The following MLLT3 variants were observed in gnomAD, a reference collection of about 807,000 sequenced individuals.
MLLT3 encodes protein AF-9.
A neutral mutation model predicts 53.2 loss-of-function variants in MLLT3; 4 were observed. The ratio of observed to expected loss-of-function variants is 0.08; its 90% CI spans 0.04 to 0.17. The LOEUF (loss-of-function observed/expected upper bound fraction) is 0.17, where lower values mean the gene tolerates loss of function less well. Among genes scored for constraint, MLLT3 ranks in the 10% least tolerant of loss-of-function variants. MLLT3 has a pLI of 1.00. For synonymous variants in MLLT3, 283 were observed against 230.6 expected, an observed-to-expected ratio of 1.23 and a Z score of -2.06; for missense variants, 569 against 684.0, an observed-to-expected ratio of 0.83 and a Z score of 1.87.
Position 20,473,028 on chromosome 9 carries a change from G to C in MLLT3, c.194-16242C>G, listed in dbSNP as rs1428365448. Among the ~76,000 whole-genome samples the C allele has an allele frequency of 3.3e-5, 5 of 152,172 alleles. No individual in the cohort carries two copies. The South Asian group carries it at 1.0e-3, about 32-fold the overall frequency. Reference sequence around the variant, plus strand: ...CCTGAAAGACTTTTTAGAAATACCAGTTTTTGGTCTCTACTCTAGATCTCT... The same window carrying C: ...CCTGAAAGACTTTTTAGAAATACCACTTTTTGGTCTCTACTCTAGATCTCT... On this transcript the variant is annotated intron_variant, in intron 2 of 10. Transcript: ENST00000380338.
At chr9:20,558,816 T>G (rs919847518) in intron 2 of MLLT3, among the ~76,000 whole-genome samples, 2 of 152,230 alleles carry the variant, frequency 1.3e-5, no homozygotes, top group African/African-American at 4.8e-5. Context: ...TTGGCATCAT[T>G]TGCATCAGCA....
At chr9:20,474,282 G>A (rs189875574) in intron 2 of MLLT3, among the ~76,000 whole-genome samples, 17 of 152,182 alleles carry the variant, frequency 1.1e-4, no homozygotes, top group African/African-American at 4.1e-4. Context: ...GAGAAGATTT[G>A]AAGTGATGAA....
chr9:20,589,901 G>C (rs1301730820), intron 2 of MLLT3, among the ~76,000 whole-genome samples: 1 of 151,852 alleles, frequency 6.6e-6, no homozygotes, highest in African/African-American at 2.4e-5. Flanking sequence ...AGTAGAGATG[G>C]GGTTTCACCA....
intron 2 of MLLT3, among the ~76,000 whole-genome samples, chr9:20,612,816 A>G (rs572526278): frequency 1.3e-5 from 2 of 152,310 alleles, no homozygotes; most frequent in East Asian, 3.9e-4. Context: ...GATATAGAGG[A>G]AAAATGGTAC....
Position 20,346,458 on chromosome 9 carries a change from T to A in MLLT3, c.1692A>T (p.Thr564=). ...TGTTATATCCTCAGGATGTTCCAGA[T>A]GTTTCCAGGTAACTCTGTAGTTTAC... is the stretch of plus-strand genomic sequence containing the variant. ...TVRKLQSYLE[T]SGTS The change falls in exon 11 of 11, where the codon ACA becomes ACT. Residue 564 remains threonine (T), a synonymous_variant. Coordinates refer to ENST00000380338, the MANE Select transcript of MLLT3 (RefSeq NM_004529.4). The A allele has an allele frequency of 6.2e-7, 1 of 1,612,952 alleles. No individual in the cohort carries two copies. The highest frequency in any genetic ancestry group is 2.2e-5 in the East Asian group (1 of 44,830).
At chr9:20,563,237 C>A (rs1349591140) in intron 2 of MLLT3, among the ~76,000 whole-genome samples, 1 of 151,974 alleles carries the variant, frequency 6.6e-6, no homozygotes, top group Non-Finnish European at 1.5e-5. Context: ...AGTAACATGT[C>A]GTGGAGGAAC....
chr9:20,470,372 T>A (rs539623353), intron 2 of MLLT3, among the ~76,000 whole-genome samples: 9 of 151,964 alleles, frequency 5.9e-5, no homozygotes, highest in South Asian at 2.1e-4. Context: ...TGTGTTTTAT[T>A]AAAAAAAATT....
At chr9:20,523,560 G>C (rs930936374) in intron 2 of MLLT3, among the ~76,000 whole-genome samples, 1 of 152,188 alleles carries the variant, frequency 6.6e-6, no homozygotes, top group African/African-American at 2.4e-5. Context: ...GAGCTATCAA[G>C]CCATGAGGAA....
At chr9:20,397,966 C>G (rs1822363344) in intron 5 of MLLT3, among the ~76,000 whole-genome samples, 1 of 152,138 alleles carries the variant, frequency 6.6e-6, no homozygotes, top group Non-Finnish European at 1.5e-5. Context: ...CTAACTTCAT[C>G]TTCCACATCT....
At chr9:20,499,118 G>A (rs1563788294) in intron 2 of MLLT3, among the ~76,000 whole-genome samples, 1 of 152,130 alleles carries the variant, frequency 6.6e-6, no homozygotes, top group Non-Finnish European at 1.5e-5. Flanking sequence ...TCCAATCTCT[G>A]TCTCCATCTT....
intron 2 of MLLT3, among the ~76,000 whole-genome samples, chr9:20,555,005 C>T (rs1819018853): frequency 6.6e-6 from 1 of 152,160 alleles, no homozygotes; most frequent in African/African-American, 2.4e-5. Context: ...TTAATTATTC[C>T]TTTCTAATTA....
chr9:20,544,837 C>T (rs536530850), intron 2 of MLLT3, among the ~76,000 whole-genome samples: 73 of 152,238 alleles, frequency 4.8e-4, no homozygotes, highest in African/African-American at 1.7e-3. Context: ...ATAATCCCAC[C>T]ACTCTGGGAG....
At chr9:20,355,918 C>A (rs879592310) in intron 8 of MLLT3, among the ~76,000 whole-genome samples, 1 of 152,180 alleles carries the variant, frequency 6.6e-6, no homozygotes, top group Non-Finnish European at 1.5e-5. Context: ...CATTCCGTAA[C>A]ATAAAGATTT....
chr9:20,537,661 T>C (rs1301507326), intron 2 of MLLT3, among the ~76,000 whole-genome samples: 1 of 152,144 alleles, frequency 6.6e-6, no homozygotes, highest in Non-Finnish European at 1.5e-5. Flanking sequence ...AATTCAGATA[T>C]AAAGCAATGC....
chr9:20,388,498 G>T (rs1338243647), intron 5 of MLLT3, among the ~76,000 whole-genome samples: 1 of 152,158 alleles, frequency 6.6e-6, no homozygotes, highest in East Asian at 1.9e-4. Context: ...TGAGGCAGGA[G>T]AATGGAGTGA....
At chr9:20,426,879 G>C (rs2118805411) in intron 4 of MLLT3, among the ~76,000 whole-genome samples, 1 of 152,234 alleles carries the variant, frequency 6.6e-6, no homozygotes, top group African/African-American at 2.4e-5. Context: ...ACTCATGAAA[G>C]ATGGGGTTGC....
intron 2 of MLLT3, among the ~76,000 whole-genome samples, chr9:20,496,226 C>T (rs927208216): frequency 1.1e-4 from 16 of 152,270 alleles, no homozygotes; most frequent in Non-Finnish European, 1.5e-4. Flanking sequence ...GAAAAACACA[C>T]TTTTTTGTTT....
intron 5 of MLLT3, among the ~76,000 whole-genome samples, chr9:20,389,221 G>A (rs182541514): frequency 0.016 from 2,434 of 152,226 alleles, 56 homozygotes; most frequent in African/African-American, 0.055. Flanking sequence ...TACAACATAA[G>A]TAAGTCCTGG....
In MLLT3 at chr9:20,512,245, T is replaced by A. The variant is rs766311922; in HGVS notation, c.194-55459A>T. On this transcript the variant is annotated intron_variant, in intron 2 of 10. Coordinates refer to ENST00000380338, the MANE Select transcript of MLLT3 (RefSeq NM_004529.4). ...ATCTGGCTCCTGATCTGAAATTCCA[T>A]TAGCAATCATATTTTCACTCCACAG... Among the ~76,000 whole-genome samples the A allele has an allele frequency of 6.6e-5, 10 of 152,332 alleles. No individual in the cohort carries two copies. In the East Asian group the frequency reaches 1.9e-3, roughly 29 times the overall value.
Sources: gnomAD v4.1 joint callset for allele counts (sites outside exome capture counted in the v4.1 genomes callset) on GRCh38, gnomAD v4.1.1 for gene constraint, MANE v1.5 for transcripts, NCBI Gene and HGNC (gene_info 2026-07-23, HGNC 2026-07-21) for gene names.